The following SETD2 variants were observed in gnomAD, a reference collection of about 807,000 sequenced individuals.
SETD2 encodes SET domain containing 2, histone lysine methyltransferase.
In SETD2, 31 loss-of-function variants were observed where a neutral mutation model predicts 242.1. That is an observed-to-expected ratio of 0.13 (90% CI 0.10 to 0.17). The LOEUF (loss-of-function observed/expected upper bound fraction) is 0.17. SETD2 is among the 10% of genes least tolerant of loss of function. The probability of loss-of-function intolerance (pLI) is 1.00; values close to 1 mark genes in which losing one functional copy is unlikely to be tolerated. For synonymous variants in SETD2, 1,006 were observed against 1,066.5 expected (o/e 0.94, Z 1.11); for missense variants, 2,481 against 3,046.3 (o/e 0.81, Z 4.37).
chr3:47,075,843 A>G (rs1005331538), intron 12 of SETD2, among the ~76,000 whole-genome samples: 2 of 152,226 alleles, frequency 1.3e-5, no homozygotes, highest in Non-Finnish European at 2.9e-5. Flanking sequence ...TGTGCTTATG[A>G]AAATATTTTC....
intron 8 of SETD2, 52 bp from the exon 9 acceptor site, chr3:47,098,133 A>T (rs2042076885): frequency 6.2e-7 from 1 of 1,601,656 alleles, no homozygotes; most frequent in Non-Finnish European, 8.5e-7. Flanking sequence ...AAACCATACA[A>T]AACTGTTGGC....
At chr3:47,151,799 C>A (rs2043990955) in intron 1 of SETD2, among the ~76,000 whole-genome samples, 1 of 147,156 alleles carries the variant, frequency 6.8e-6, no homozygotes, top group Non-Finnish European at 1.5e-5. Flanking sequence ...TGCACTCCAG[C>A]CTGGGAGAGA....
At chr3:47,051,193 C>A (rs2039828808) in intron 15 of SETD2, among the ~76,000 whole-genome samples, 3 of 151,788 alleles carry the variant, frequency 2.0e-5, no homozygotes, top group Admixed American at 2.0e-4. Context: ...CAGCCTTGAC[C>A]TCCTGGGCTC....
At chr3:47,050,281 A>T (rs1475170267) in intron 15 of SETD2, among the ~76,000 whole-genome samples, 3 of 152,120 alleles carry the variant, frequency 2.0e-5, no homozygotes, top group Non-Finnish European at 2.9e-5. Flanking sequence ...GTATCAACAT[A>T]AAAAAACAAA....
chr3:47,098,693 G>A (rs112846345), intron 8 of SETD2, among the ~76,000 whole-genome samples: 148 of 152,172 alleles, frequency 9.7e-4, no homozygotes, highest in African/African-American at 3.4e-3. Context: ...CTACTCAAGA[G>A]GCTGAGGCAT....
intron 5 of SETD2, among the ~76,000 whole-genome samples, chr3:47,109,333 TG>T (rs1386727428): frequency 6.6e-6 from 1 of 152,196 alleles, no homozygotes; most frequent in African/African-American, 2.4e-5. Context: ...TCAACTTTTC[TG>T]TAAGTTTGAA....
At position 47,051,082 on chromosome 3, in the gene SETD2, TG is replaced by T. The variant is rs2039822621; in HGVS notation, c.6964-4462del. On this transcript the variant is annotated intron_variant, in intron 15 of 20. Transcript: ENST00000409792. ...CCATGTGCAAGTGACCATATTCTCT[TG>T]CCATGACCATTATTTGTCTCCCTAC... is the stretch of plus-strand genomic sequence containing the variant. Among the ~76,000 whole-genome samples the T allele has an allele frequency of 3.3e-5, 5 of 151,544 alleles. No homozygotes were observed. The East Asian group carries it at 9.7e-4, about 29-fold the overall frequency.
chr3:47,161,491 T>C (rs1484563153), intron 1 of SETD2, among the ~76,000 whole-genome samples: 1 of 152,176 alleles, frequency 6.6e-6, no homozygotes, highest in Non-Finnish European at 1.5e-5. Context: ...TTCACTTCTC[T>C]AGCCTTCATT....
intron 7 of SETD2, 42 bp from the exon 8 acceptor site, chr3:47,101,597 AGTGTGTGT>A (rs61571386): frequency 7.2e-4 from 530 of 733,814 alleles, no homozygotes; most frequent in African/African-American, 2.3e-3. Flanking sequence ...GTAACTTATT[AGTGTGTGT>A]GTGTGTGTGT....
chr3:47,164,265 G>A (rs1697606242), upstream of SETD2, among the ~76,000 whole-genome samples: 1 of 152,210 alleles, frequency 6.6e-6, no homozygotes, highest in Non-Finnish European at 1.5e-5. This position sits in a 1 kb window ranked among gnomAD's most constrained non-coding sequence, Gnocchi z 5.4. Context: ...GGGACGGGCA[G>A]AGCGGAACAC....
intron 15 of SETD2, among the ~76,000 whole-genome samples, chr3:47,049,290 G>A: frequency 9.4e-6 from 1 of 106,198 alleles, no homozygotes; most frequent in Non-Finnish European, 1.9e-5. Context: ...GTTTTTTATA[G>A]AATAAGTTTT....
chr3:47,102,772 C>CAAAAAAAAAA (rs5848821), intron 7 of SETD2, among the ~76,000 whole-genome samples: 1 of 97,940 alleles, frequency 1.0e-5, no homozygotes, highest in East Asian at 2.9e-4. Flanking sequence ...CCAGCCTGGG[C>CAAAAAAAAAA]AAAAAAAAAA....
chr3:47,016,607 C>A lies in SETD2; in HGVS notation c.*486G>T, dbSNP rs1270100087. 4 of 234,240 alleles carry A rather than the reference C, an allele frequency of 1.7e-5. No individual in the cohort carries two copies. The highest frequency in any genetic ancestry group is 3.4e-5 in the Non-Finnish European group (4 of 118,574). 14.5% of individuals were successfully genotyped at this position (234,240 alleles called of 1,614,324 possible). A position where few individuals can be genotyped will look rare whatever the true frequency, so the allele number is the denominator to read the frequency against. Reference sequence around the variant, plus strand: ...TAACAAATTAAACCTTGCAGGAGAACTTAAACTGTCCTTACAAAGTCTTCC... The same window carrying A: ...TAACAAATTAAACCTTGCAGGAGAAATTAAACTGTCCTTACAAAGTCTTCC... On this transcript the variant is annotated 3_prime_UTR_variant, in exon 21 of 21. Coordinates refer to ENST00000409792, the MANE Select transcript of SETD2 (RefSeq NM_014159.7).
intron 5 of SETD2, among the ~76,000 whole-genome samples, chr3:47,111,953 G>A (rs1007533088): frequency 6.6e-6 from 1 of 152,142 alleles, no homozygotes; most frequent in African/African-American, 2.4e-5. Context: ...CATATGCTCA[G>A]AGGGTTCTGA....
intron 1 of SETD2, among the ~76,000 whole-genome samples, chr3:47,139,360 A>G (rs1271901918): frequency 6.6e-6 from 1 of 152,132 alleles, no homozygotes; most frequent in Admixed American, 6.6e-5. Flanking sequence ...AGATACTACT[A>G]CTAAATTCAA....
At chr3:47,130,630 G>A (rs2043454974) in intron 1 of SETD2, among the ~76,000 whole-genome samples, 1 of 151,894 alleles carries the variant, frequency 6.6e-6, no homozygotes. Flanking sequence ...ATGAAACAAG[G>A]GTATAGAAAC....
chr3:47,134,053 C>T (rs1309591089), intron 1 of SETD2, among the ~76,000 whole-genome samples: 1 of 152,150 alleles, frequency 6.6e-6, no homozygotes, highest in Non-Finnish European at 1.5e-5. Context: ...TGTCCCCTGC[C>T]CAAAGCAAGA....
chr3:47,117,068 T>G (rs1018970099), intron 3 of SETD2, among the ~76,000 whole-genome samples: 2 of 152,018 alleles, frequency 1.3e-5, no homozygotes, highest in African/African-American at 4.8e-5. Flanking sequence ...TCTCTCTATG[T>G]TACTCAAGCT....
chr3:47,139,810 A>G (rs1398417733), intron 1 of SETD2, among the ~76,000 whole-genome samples: 2 of 152,222 alleles, frequency 1.3e-5, no homozygotes, highest in Non-Finnish European at 2.9e-5. Flanking sequence ...TGCTTTATCA[A>G]AGACATTGAA....
Sources: allele counts gnomAD v4.1 joint callset (sites outside exome capture counted in the v4.1 genomes callset), GRCh38; gene constraint gnomAD v4.1.1; non-coding constraint Gnocchi (gnomAD v3.1); transcripts MANE v1.5; gene names NCBI Gene and HGNC (gene_info 2026-07-23, HGNC 2026-07-21).